KANSL1L: variants seen among roughly 807,000 people sequenced by gnomAD.
The protein encoded by KANSL1L is KAT8 regulatory NSL complex subunit 1 like.
Under a neutral mutation model 108.6 loss-of-function variants are expected in KANSL1L, and 25 were observed. That is an observed-to-expected ratio of 0.23 (90% CI 0.17 to 0.32). The LOEUF is 0.32. Ranked by LOEUF, KANSL1L falls within the 10% of genes least tolerant of loss-of-function variation. The probability of loss-of-function intolerance (pLI) is 1.00; values close to 1 mark genes in which losing one functional copy is unlikely to be tolerated. For missense variants in KANSL1L, 1,137 were observed against 1,125.7 expected, an observed-to-expected ratio of 1.01 and a Z score of -0.14; for synonymous variants, 405 against 395.1, an observed-to-expected ratio of 1.03 and a Z score of -0.30.
upstream of KANSL1L, chr2:210,171,568 T>TG (rs1262915492): frequency 1.1e-4 from 17 of 152,300 alleles, no homozygotes; most frequent in African/African-American, 3.9e-4. Flanking sequence ...CCCTTAACTC[T>TG]GGTGCAGGGT....
intron 8 of KANSL1L, among the ~76,000 whole-genome samples, chr2:210,031,882 A>G (rs1047449727): frequency 6.6e-6 from 1 of 152,204 alleles, no homozygotes; most frequent in East Asian, 1.9e-4. Context: ...AAATCTGGAA[A>G]TAAGTTGGGA....
intron 10 of KANSL1L, 37 bp downstream of exon 10, chr2:210,029,766 A>C: frequency 9.7e-7 from 1 of 1,026,016 alleles, no homozygotes; most frequent in Non-Finnish European, 1.5e-6. Context: ...TTTTATTTTT[A>C]AAGCTATTTT....
intron 6 of KANSL1L, among the ~76,000 whole-genome samples, chr2:210,075,049 T>A (rs1380729196): frequency 6.6e-6 from 1 of 152,192 alleles, no homozygotes; most frequent in African/African-American, 2.4e-5. Context: ...ATTGTAAGCA[T>A]GAGCATCTAA....
intron 4 of KANSL1L, among the ~76,000 whole-genome samples, chr2:210,100,194 A>G (rs2094780166): frequency 6.6e-6 from 1 of 152,034 alleles, no homozygotes; most frequent in Non-Finnish European, 1.5e-5. Flanking sequence ...GTGCACCTGC[A>G]AGGGATCTAG....
intron 6 of KANSL1L, among the ~76,000 whole-genome samples, chr2:210,050,583 C>T (rs1008608649): frequency 2.7e-5 from 4 of 150,032 alleles, no homozygotes; most frequent in East Asian, 4.0e-4. Context: ...GTGGCAGGTG[C>T]GTGGTTCACA....
At chr2:210,158,528 C>T (rs550482130) in intron 1 of KANSL1L, among the ~76,000 whole-genome samples, 7 of 152,218 alleles carry the variant, frequency 4.6e-5, no homozygotes, top group African/African-American at 1.7e-4. Flanking sequence ...TGAAATAACA[C>T]GTAATTTAAG....
chr2:210,104,626 C>G (rs1474854362), intron 3 of KANSL1L, among the ~76,000 whole-genome samples: 1 of 152,156 alleles, frequency 6.6e-6, no homozygotes, highest in Non-Finnish European at 1.5e-5. Flanking sequence ...ATGGACATTT[C>G]AGATTGAAAT....
At chr2:210,045,077 C>G (rs571140245) in intron 6 of KANSL1L, among the ~76,000 whole-genome samples, 142 of 152,172 alleles carry the variant, frequency 9.3e-4, no homozygotes, top group Non-Finnish European at 1.8e-3. Flanking sequence ...GCCACATTAA[C>G]CGATTTTTAA....
chr2:210,025,980 T>C (rs2093931436), intron 12 of KANSL1L, among the ~76,000 whole-genome samples: 1 of 152,228 alleles, frequency 6.6e-6, no homozygotes, highest in Non-Finnish European at 1.5e-5. Context: ...GGATCGTCCA[T>C]TGTGGAGTAC....
At chr2:210,067,858 C>A (rs573839998) in intron 6 of KANSL1L, among the ~76,000 whole-genome samples, 2 of 151,360 alleles carry the variant, frequency 1.3e-5, no homozygotes, top group Non-Finnish European at 2.9e-5. Flanking sequence ...AAGTCTTATG[C>A]ATATTTTTAT....
At chr2:210,135,337 G>A (rs73984335) in intron 2 of KANSL1L, among the ~76,000 whole-genome samples, 2,506 of 152,202 alleles carry the variant, frequency 0.016, 68 homozygotes, top group African/African-American at 0.057. Flanking sequence ...GGACATTTGG[G>A]TAGCCAAAGA....
rs935417190 is a variant in KANSL1L at position 210,021,997 on chromosome 2, AATC to A, written c.*949_*951del. ...TAATTTCTTGCTAATCTAGAAATAC[AATC>A]ATCTTTTTTTTTTTTTTCAAATTTT... is the stretch of plus-strand genomic sequence containing the variant. On this transcript the variant is annotated 3_prime_UTR_variant, in exon 15 of 15. Coordinates refer to ENST00000281772, the MANE Select transcript of KANSL1L (RefSeq NM_152519.4). The A allele has an allele frequency of 1.3e-5, 2 of 150,108 alleles. No individual in the cohort carries two copies. Among genetic ancestry groups the A allele is most frequent in the Non-Finnish European group, 2.9e-5 (2 of 67,842 alleles). 9.3% of individuals were successfully genotyped at this position (150,108 alleles called of 1,614,324 possible). A position where few individuals can be genotyped will look rare whatever the true frequency, so the allele number is the denominator to read the frequency against.
At chr2:210,130,561 A>G (rs1019088728) in intron 2 of KANSL1L, among the ~76,000 whole-genome samples, 6 of 152,212 alleles carry the variant, frequency 3.9e-5, no homozygotes, top group Non-Finnish European at 7.3e-5. Flanking sequence ...CAATGTGATT[A>G]AAGACACCAT....
chr2:210,165,051 G>A (rs963825718), intron 1 of KANSL1L, among the ~76,000 whole-genome samples: 3 of 151,360 alleles, frequency 2.0e-5, no homozygotes, highest in Admixed American at 1.3e-4. Context: ...ATCTTTAGTA[G>A]AGATGGGGTT....
intron 14 of KANSL1L, among the ~76,000 whole-genome samples, chr2:210,023,782 C>T (rs528083511): frequency 3.3e-5 from 5 of 152,188 alleles, no homozygotes; most frequent in Non-Finnish European, 7.4e-5. Flanking sequence ...AGGTTTGTTT[C>T]GTAATGAAAC....
intron 1 of KANSL1L, among the ~76,000 whole-genome samples, chr2:210,160,614 G>A (rs1485410481): frequency 6.6e-6 from 1 of 152,124 alleles, no homozygotes; most frequent in African/African-American, 2.4e-5. Flanking sequence ...AACACAAGAT[G>A]ATGCACATGG....
Position 210,118,166 on chromosome 2 carries a change from C to CAA in KANSL1L, c.1230+10863_1230+10864dup, listed in dbSNP as rs34675432. Among the ~76,000 whole-genome samples the CAA allele has an allele frequency of 1.1e-3, 110 of 98,990 alleles. 1 individual carries two copies. Among genetic ancestry groups the CAA allele is most frequent in the Admixed American group, 3.8e-3 (34 of 8,880 alleles). The allele number at this position is 98,990 out of a possible 152,430, so 64.9% of individuals were successfully genotyped here. A position where few individuals can be genotyped will look rare whatever the true frequency, so the allele number is the denominator to read the frequency against. ...GGGCAACAAAAGCGAAACTCCATCT[C>CAA]AAAAAAAAAAAAAAGGAGGGGGGCG... is the stretch of plus-strand genomic sequence containing the variant. On this transcript the variant is annotated intron_variant, in intron 3 of 14. Coordinates refer to ENST00000281772, the MANE Select transcript of KANSL1L (RefSeq NM_152519.4).
At chr2:210,121,352 G>T (rs755122342) in intron 3 of KANSL1L, among the ~76,000 whole-genome samples, 1 of 152,142 alleles carries the variant, frequency 6.6e-6, no homozygotes, top group Non-Finnish European at 1.5e-5. Context: ...GCAGAAACAC[G>T]AATGAAGCTG....
chr2:210,023,140 C>T lies in KANSL1L; in HGVS notation c.2773G>A (p.Glu925Lys). The T allele has an allele frequency of 6.2e-7, 1 of 1,614,020 alleles. No individual in the cohort carries two copies. Among genetic ancestry groups the T allele is most frequent in the Non-Finnish European group, 8.5e-7 (1 of 1,179,932 alleles). The stretch of plus-strand genomic sequence containing the variant: ...TGACATAATAAGGCTGCCATGTCTT[C>T]ACCCTTCAGTGGAAAAGCCCGTCGT... Reference protein sequence around the residue: ...WERRAFPLKGEDMAALLCQDE... With the variant: ...WERRAFPLKGKDMAALLCQDE... The change falls in exon 15 of 15, where the codon GAA (glutamate) becomes AAA (lysine). Residue 925 changes from glutamate to lysine, a missense_variant. By Grantham distance (56) the Glu-to-Lys change is moderately conservative. Coordinates refer to ENST00000281772, the MANE Select transcript of KANSL1L (RefSeq NM_152519.4).
Sources: allele counts gnomAD v4.1 joint callset (sites outside exome capture counted in the v4.1 genomes callset), GRCh38; gene constraint gnomAD v4.1.1; transcripts MANE v1.5; gene names NCBI Gene and HGNC (gene_info 2026-07-23, HGNC 2026-07-21).